The following FAM91A1 variants were observed in gnomAD, a reference collection of about 807,000 sequenced individuals.
FAM91A1 encodes the protein protein FAM91A1.
Under a neutral mutation model 113.5 loss-of-function variants are expected in FAM91A1, and 41 were observed. The observed-to-expected ratio is 0.36, with a 90% confidence interval of 0.28 to 0.47. FAM91A1 has a LOEUF of 0.47. Ranked by LOEUF, FAM91A1 falls within the 20% of genes least tolerant of loss-of-function variation. The probability of loss-of-function intolerance (pLI) is 1.00; values close to 1 mark genes in which losing one functional copy is unlikely to be tolerated. For synonymous variants in FAM91A1, 307 were observed against 347.9 expected (o/e 0.88, Z 1.31); for missense variants, 696 against 1,001.2 (o/e 0.70, Z 4.11).
Position 123,813,950 on chromosome 8 carries a change from A to G in FAM91A1, c.*1246A>G, listed in dbSNP as rs568351592. 32 of 230,448 alleles carry G rather than the reference A, an allele frequency of 1.4e-4. 1 individual carries two copies. The South Asian group carries it at 1.5e-3, about 11-fold the overall frequency. 14.3% of individuals were successfully genotyped at this position (230,448 alleles called of 1,614,324 possible). On this transcript the variant is annotated 3_prime_UTR_variant, in exon 24 of 24. Coordinates refer to ENST00000334705, the MANE Select transcript of FAM91A1 (RefSeq NM_144963.4). ...GAAGTTTGGGAATGTTATAACCTAA[A>G]CGTTTTTGCTGGTAACTTTTTGTTA...
At chr8:123,791,313 C>T (rs1283006274) in intron 15 of FAM91A1, among the ~76,000 whole-genome samples, 3 of 151,770 alleles carry the variant, frequency 2.0e-5, no homozygotes, top group African/African-American at 7.3e-5. Context: ...TTCCATTGCC[C>T]TGTCCCTATA....
intron 15 of FAM91A1, among the ~76,000 whole-genome samples, chr8:123,795,457 C>G: frequency 6.6e-6 from 1 of 151,530 alleles, no homozygotes; most frequent in Non-Finnish European, 1.5e-5. Flanking sequence ...TGCATCTTCC[C>G]CATCTCTCTC....
chr8:123,786,439 TTAATG>T, intron 11 of FAM91A1, 51 bp from the exon 12 acceptor site: 1 of 1,237,992 alleles, frequency 8.1e-7, no homozygotes, highest in Non-Finnish European at 1.2e-6. Context: ...AGTAGATATT[TTAATG>T]TAAGGTCATT....
At position 123,812,494 on chromosome 8, in the gene FAM91A1, TTTCTC is replaced by T. The variant is rs763030926; in HGVS notation, c.2332-22_2332-18del. 6.5e-7 allele frequency: 1 copy of T among 1,549,142 alleles called. No individual in the cohort carries two copies. The highest frequency in any genetic ancestry group is 2.3e-5 in the East Asian group (1 of 43,622). On this transcript the variant is annotated intron_variant, in intron 23 of 23. Transcript: ENST00000334705. ...GGTTTTGGTAAAGTGTTGAATATCA[TTTCTC>T]TTGTTTCTTGATCTTTTAGGAAGGT...
chr8:123,787,252 G>A lies in FAM91A1; in HGVS notation c.1079-9G>A. 1 of 1,591,580 alleles carries A rather than the reference G, an allele frequency of 6.3e-7. No homozygotes were observed. Among genetic ancestry groups the A allele is most frequent in the Non-Finnish European group, 8.6e-7 (1 of 1,165,116 alleles). On this transcript the variant is annotated splice_polypyrimidine_tract_variant and intron_variant, in intron 12 of 23. Transcript: ENST00000334705. ...CATTTACTTGATTTTAAATTATGGT[G>A]TTTTTCAGCTGACACAGCCAGTGTA...
chr8:123,778,240 C>A (rs963269330), intron 5 of FAM91A1, 148 bp downstream of exon 5: 38 of 580,926 alleles, frequency 6.5e-5, no homozygotes, highest in Non-Finnish European at 1.1e-4. Flanking sequence ...CCTCAGTATT[C>A]TCTAGGTTAT....
chr8:123,808,733 C>A, intron 21 of FAM91A1, 160 bp from the exon 22 acceptor site: 1 of 619,256 alleles, frequency 1.6e-6, no homozygotes, highest in Non-Finnish European at 2.6e-6. Flanking sequence ...ATTAACTGAC[C>A]CCCTTCAATT....
At chr8:123,785,526 G>GT (rs1815230527) in intron 10 of FAM91A1, 103 bp from the exon 11 acceptor site, 3 of 773,216 alleles carry the variant, frequency 3.9e-6, no homozygotes, top group African/African-American at 3.6e-5. Context: ...GGATGAAAAT[G>GT]TTTGAGAATC....
intron 1 of FAM91A1, among the ~76,000 whole-genome samples, chr8:123,769,228 C>T (rs1168321375): frequency 6.6e-6 from 1 of 152,182 alleles, no homozygotes; most frequent in African/African-American, 2.4e-5. Flanking sequence ...ATTTTTAAGG[C>T]AGGCACTTAA....
intron 9 of FAM91A1, 195 bp downstream of exon 9, chr8:123,784,771 T>C: frequency 2.3e-6 from 1 of 437,254 alleles, no homozygotes; most frequent in South Asian, 4.3e-5. Flanking sequence ...ATTTATAGTT[T>C]GGTTAACTTT....
At chr8:123,784,312 T>C (rs1815197801) in intron 8 of FAM91A1, among the ~76,000 whole-genome samples, 158 bp from the exon 9 acceptor site, 1 of 152,210 alleles carries the variant, frequency 6.6e-6, no homozygotes, top group Non-Finnish European at 1.5e-5. Context: ...GTACGTATTG[T>C]AGAGTTTCAG....
chr8:123,785,942 T>C, intron 11 of FAM91A1: 2 of 470,506 alleles, frequency 4.3e-6, no homozygotes. Flanking sequence ...CTCAGCCTCC[T>C]GAGTAGTGGG....
chr8:123,779,867 A>G (rs1815078275), intron 6 of FAM91A1, 118 bp from the exon 7 acceptor site: 4 of 773,454 alleles, frequency 5.2e-6, no homozygotes, highest in African/African-American at 3.5e-5. Context: ...AGTGATAAAT[A>G]TGTAGTTCAT....
chr8:123,768,786 A>C lies in FAM91A1; in HGVS notation c.72+12A>C, dbSNP rs1339504714. ...CCAACGTGAGACAGGTACGGCCGGA[A>C]CCTGGGACCGGGCCCCTGACGGATT... On this transcript the variant is annotated intron_variant, in intron 1 of 23. Transcript: ENST00000334705. 2.5e-6 allele frequency: 4 copies of C among 1,609,830 alleles called. No individual in the cohort carries two copies. In the South Asian group the frequency reaches 3.3e-5, roughly 13 times the overall value.
In FAM91A1 at chr8:123,811,694, A is replaced by G. The variant is rs150629850; in HGVS notation, c.2332-825A>G. The stretch of plus-strand genomic sequence containing the variant: ...AGGGGAGGGAAAATTTGAGAGTTCA[A>G]TGATGGGCATACTGAGTATAGAGTG... On this transcript the variant is annotated intron_variant, in intron 23 of 23. Transcript: ENST00000334705. 7.4e-3 allele frequency among the ~76,000 whole-genome samples: 1,122 copies of G among 152,132 alleles called. 3 individuals are homozygous for G. Among genetic ancestry groups the G allele is most frequent in the Non-Finnish European group, 0.011 (766 of 67,984 alleles).
At chr8:123,807,708 G>A (rs772324316) in intron 20 of FAM91A1, among the ~76,000 whole-genome samples, 2 of 152,160 alleles carry the variant, frequency 1.3e-5, no homozygotes, top group South Asian at 4.1e-4. Context: ...TTGGAGGGTG[G>A]CAGCCTTTCA....
intron 18 of FAM91A1, among the ~76,000 whole-genome samples, chr8:123,800,507 G>A (rs1198473314): frequency 2.6e-5 from 4 of 152,112 alleles, no homozygotes; most frequent in African/African-American, 4.8e-5. Context: ...ATTGTATTGA[G>A]TATATAATTC....
At chr8:123,773,496 T>C (rs1270359803) in intron 1 of FAM91A1, among the ~76,000 whole-genome samples, 3 of 152,242 alleles carry the variant, frequency 2.0e-5, no homozygotes, top group Non-Finnish European at 2.9e-5. Context: ...AGAAAGACTT[T>C]AGCTTATTAA....
chr8:123,778,690 T>G lies in FAM91A1; in HGVS notation c.467T>G (p.Leu156Arg). 1 of 1,610,510 alleles carries G rather than the reference T, an allele frequency of 6.2e-7. No homozygotes were observed. The highest frequency in any genetic ancestry group is 1.1e-5 in the South Asian group (1 of 90,906). Residue 156 changes from leucine (L) to arginine (R), a missense_variant, in exon 6 of 24, where the codon CTT becomes CGT. Transcript: ENST00000334705. ...KFFRRKTARD[L>R]LPIKPVEIAI... ...TTCAGAAGGAAAACAGCCCGTGATC[T>G]TCTACCAATAAAGCCAGTGGAAATT...
Sources: gnomAD v4.1 joint callset for allele counts (sites outside exome capture counted in the v4.1 genomes callset) on GRCh38, gnomAD v4.1.1 for gene constraint, MANE v1.5 for transcripts, NCBI Gene and HGNC (gene_info 2026-07-23, HGNC 2026-07-21) for gene names.